Variants in NOVA2 observed in about 807,000 individuals in gnomAD.
NOVA2 encodes RNA-binding protein Nova-2.
NOVA2 carries 9 observed loss-of-function variants against 22.5 expected under a neutral mutation model. That is an observed-to-expected ratio of 0.40 (90% CI 0.24 to 0.70). The LOEUF (loss-of-function observed/expected upper bound fraction) is 0.70. Ranked by LOEUF, NOVA2 falls within the 30% of genes least tolerant of loss-of-function variation. The pLI, the probability that NOVA2 is intolerant of heterozygous loss-of-function variation, is 0.38. For missense variants in NOVA2, 383 were observed against 682.8 expected, an observed-to-expected ratio of 0.56 and a Z score of 4.89; for synonymous variants, 318 against 335.2, an observed-to-expected ratio of 0.95 and a Z score of 0.56.
intron 1 of NOVA2, among the ~76,000 whole-genome samples, chr19:45,963,976 C>T (rs1001904276): frequency 6.6e-6 from 1 of 152,108 alleles, no homozygotes; most frequent in Non-Finnish European, 1.5e-5. Flanking sequence ...GGATCACATC[C>T]ATAGAGCTCA....
At chr19:45,950,219 C>T (rs889702027) in intron 3 of NOVA2, among the ~76,000 whole-genome samples, 3 of 148,346 alleles carry the variant, frequency 2.0e-5, no homozygotes, top group East Asian at 2.0e-4. Context: ...AGTGCAGTGG[C>T]GCGATCTCGG....
At position 45,939,859 on chromosome 19, in the gene NOVA2, G is replaced by GGCCTCA; in HGVS notation, c.1477_*3dup. 1 of 1,614,030 alleles carries GGCCTCA rather than the reference G, an allele frequency of 6.2e-7. No homozygotes were observed. The highest frequency in any genetic ancestry group is 8.5e-7 in the Non-Finnish European group (1 of 1,179,970). ...GAAAAGGGTGGGAGCACACACCACAGGCCTCATCCCACTTTCTGGGGGTTT... is the reference window on the plus strand; with the variant it reads ...GAAAAGGGTGGGAGCACACACCACAGGCCTCAGCCTCATCCCACTTTCTGGGGGTTT... On this transcript the variant is annotated 3_prime_UTR_variant, in exon 4 of 4. Transcript: ENST00000263257.
At chr19:45,973,242 G>C in intron 1 of NOVA2, 25 bp downstream of exon 1, 1 of 1,420,626 alleles carries the variant, frequency 7.0e-7, no homozygotes, top group Middle Eastern at 2.6e-4. Context: ...CCGCTCCCCC[G>C]CCCCGAGCCG....
At chr19:45,956,130 T>G (rs900883909) in intron 2 of NOVA2, among the ~76,000 whole-genome samples, 75 of 152,066 alleles carry the variant, frequency 4.9e-4, no homozygotes, top group African/African-American at 1.8e-3. Flanking sequence ...TCCTCACTCT[T>G]ACTACCCCCC....
At chr19:45,970,910 G>A (rs766288268) in intron 1 of NOVA2, among the ~76,000 whole-genome samples, 4 of 152,128 alleles carry the variant, frequency 2.6e-5, no homozygotes, top group Middle Eastern at 6.3e-3. Flanking sequence ...AAACAGAAGC[G>A]GGGTGGGAGA....
chr19:45,940,960 A>G lies in NOVA2; in HGVS notation c.397-15T>C. ...ATCAGCTTGGCCTGCGTGGGGAGCA[A>G]AAGGGAGGGTCTTTAATTTTATTTT... is the stretch of plus-strand genomic sequence containing the variant. On this transcript the variant is annotated splice_polypyrimidine_tract_variant and intron_variant, in intron 3 of 3. Transcript: ENST00000263257. The G allele has an allele frequency of 6.3e-7, 1 of 1,585,188 alleles. No homozygotes were observed. Among genetic ancestry groups the G allele is most frequent in the South Asian group, 1.1e-5 (1 of 87,834 alleles).
At chr19:45,947,279 C>G (rs116854407) in intron 3 of NOVA2, among the ~76,000 whole-genome samples, 92 of 151,966 alleles carry the variant, frequency 6.1e-4, no homozygotes, top group Non-Finnish European at 9.1e-4. Flanking sequence ...AATAAATAGA[C>G]GGATGAAGAC....
At chr19:45,961,176 G>T in intron 1 of NOVA2, 23 bp from the exon 2 acceptor site, 1 of 1,590,922 alleles carries the variant, frequency 6.3e-7, no homozygotes, top group Non-Finnish European at 8.6e-7. Context: ...ACAGGGTGGA[G>T]GGGAGTCAGC....
chr19:45,940,221 GC>G lies in NOVA2; in HGVS notation c.1120del (p.Ala374ArgfsTer22). 9.0e-7 allele frequency: 1 copy of G among 1,109,016 alleles called. No individual in the cohort carries two copies. The highest frequency in any genetic ancestry group is 1.1e-6 in the Non-Finnish European group (1 of 914,168). The allele number at this position is 1,109,016 out of a possible 1,614,324, so 68.7% of individuals were successfully genotyped here. A position where few individuals can be genotyped will look rare whatever the true frequency, so the allele number is the denominator to read the frequency against. On this transcript the variant is annotated frameshift_variant, in exon 4 of 4. Transcript: ENST00000263257. LOFTEE classifies it low-confidence loss of function (END_TRUNC). Reference sequence around the variant, plus strand: ...CACCAGCGGGCCGCCCCCTCCGCCCGCCCCGCCGCCCGCCCCGGCCCCGAGG... The same window carrying G: ...CACCAGCGGGCCGCCCCCTCCGCCCGCCCGCCGCCCGCCCCGGCCCCGAGG... ...GYLGAGAGGG[A>X]GGGGGPLVAA...
chr19:45,966,057 G>A (rs193262475), intron 1 of NOVA2, among the ~76,000 whole-genome samples: 2 of 150,114 alleles, frequency 1.3e-5, no homozygotes, highest in African/African-American at 5.1e-5. Context: ...GAGGTAGGAG[G>A]AGGGGTGATC....
chr19:45,973,204 A>G (rs922836922), intron 1 of NOVA2, 63 bp downstream of exon 1: 3 of 828,970 alleles, frequency 3.6e-6, no homozygotes, highest in East Asian at 7.8e-5. Flanking sequence ...GAGGGGGGGA[A>G]AGGATGGAGA....
chr19:45,964,854 C>T (rs917732830), intron 1 of NOVA2, among the ~76,000 whole-genome samples: 2 of 152,084 alleles, frequency 1.3e-5, no homozygotes, highest in African/African-American at 4.8e-5. Flanking sequence ...AGTCACCATG[C>T]CTGGCCTCTG....
At position 45,973,197 on chromosome 19, in the gene NOVA2, G is replaced by T. The variant is rs984284066; in HGVS notation, c.85+70C>A. The T allele has an allele frequency of 3.5e-5, 27 of 780,798 alleles. 1 individual carries two copies. The highest frequency in any genetic ancestry group is 4.2e-4 in the Middle Eastern group (1 of 2,382). 48.4% of individuals were successfully genotyped at this position (780,798 alleles called of 1,614,324 possible). A position where few individuals can be genotyped will look rare whatever the true frequency, so the allele number is the denominator to read the frequency against. On this transcript the variant is annotated intron_variant, in intron 1 of 3. Transcript: ENST00000263257. ...AGAGCCCTTGCACCTGCCACGGGAGGGGGGGAAAGGATGGAGAAAGGCGAG... is the reference window on the plus strand; with the variant it reads ...AGAGCCCTTGCACCTGCCACGGGAGTGGGGGAAAGGATGGAGAAAGGCGAG...
intron 1 of NOVA2, among the ~76,000 whole-genome samples, chr19:45,967,233 T>C (rs2146427872): frequency 6.6e-6 from 1 of 152,184 alleles, no homozygotes; most frequent in East Asian, 1.9e-4. Context: ...TCTTTTCTGT[T>C]TGGGGAAGTT....
At chr19:45,952,371 A>G (rs997757182) in intron 3 of NOVA2, among the ~76,000 whole-genome samples, 5 of 152,232 alleles carry the variant, frequency 3.3e-5, no homozygotes, top group African/African-American at 1.2e-4. Flanking sequence ...TAAGTACTGT[A>G]CGGAGAAGGA....
At chr19:45,949,284 ACAGT>A (rs1255258343) in intron 3 of NOVA2, among the ~76,000 whole-genome samples, 1 of 150,122 alleles carries the variant, frequency 6.7e-6, no homozygotes, top group Non-Finnish European at 1.5e-5. Context: ...AGTAAAGCTT[ACAGT>A]ATGTGAATTA....
intron 3 of NOVA2, among the ~76,000 whole-genome samples, chr19:45,949,626 G>A (rs533524340): frequency 9.9e-5 from 15 of 152,102 alleles, no homozygotes; most frequent in East Asian, 5.8e-4. Flanking sequence ...TACTATTCCC[G>A]ATCCATACGA....
At chr19:45,953,318 A>G (rs923083431) in intron 3 of NOVA2, among the ~76,000 whole-genome samples, 2 of 152,170 alleles carry the variant, frequency 1.3e-5, no homozygotes, top group African/African-American at 2.4e-5. Context: ...CTCGCTAATG[A>G]AACACCACCT....
intron 3 of NOVA2, among the ~76,000 whole-genome samples, chr19:45,949,109 T>A (rs1270901280): frequency 6.6e-6 from 1 of 151,970 alleles, no homozygotes; most frequent in Admixed American, 6.6e-5. Flanking sequence ...AAAAGTAGAT[T>A]AGTGGCTGGA....
Sources: gnomAD v4.1 joint callset for allele counts (sites outside exome capture counted in the v4.1 genomes callset) on GRCh38, gnomAD v4.1.1 for gene constraint, MANE v1.5 for transcripts, NCBI Gene and HGNC (gene_info 2026-07-23, HGNC 2026-07-21) for gene names.